The following LACTB2 variants were observed in gnomAD, a reference collection of about 807,000 sequenced individuals.
The protein encoded by LACTB2 is lactamase beta 2.
A neutral mutation model predicts 34.8 loss-of-function variants in LACTB2; 32 were observed. The observed-to-expected ratio is 0.92, with a 90% CI of 0.69 to 1.24. LACTB2 has a LOEUF of 1.24. Among genes scored for constraint, LACTB2 ranks in the 50% most tolerant of loss-of-function variants. The pLI, the probability that LACTB2 is intolerant of heterozygous loss-of-function variation, is 0.00. For synonymous variants in LACTB2, 120 were observed against 117.5 expected, an observed-to-expected ratio of 1.02 and a Z score of -0.14; for missense variants, 320 against 345.0, an observed-to-expected ratio of 0.93 and a Z score of 0.57.
intron 3 of LACTB2, among the ~76,000 whole-genome samples, chr8:70,650,463 A>G (rs1818324839): frequency 6.6e-6 from 1 of 152,148 alleles, no homozygotes; most frequent in Non-Finnish European, 1.5e-5. Flanking sequence ...GAAAAAGGCC[A>G]GGTGCGGTAG....
chr8:70,664,097 C>T lies in LACTB2; in HGVS notation c.123-2200G>A, dbSNP rs10108003. On this transcript the variant is annotated intron_variant, in intron 1 of 6. Coordinates refer to ENST00000276590, the MANE Select transcript of LACTB2 (RefSeq NM_016027.3). ...GCCTCCATGCATTTGCAGTTATTTACCACAAATTCTCACTGCCCCTAACGT... is the reference window on the plus strand; with the variant it reads ...GCCTCCATGCATTTGCAGTTATTTATCACAAATTCTCACTGCCCCTAACGT... Among the ~76,000 whole-genome samples, 923 of 152,238 alleles carry T rather than the reference C, an allele frequency of 6.1e-3. 10 individuals carry two copies. Among genetic ancestry groups the T allele is most frequent in the African/African-American group, 0.021 (880 of 41,546 alleles).
chr8:70,638,684 A>G (rs1818155123), intron 5 of LACTB2, 55 bp from the exon 6 acceptor site: 1 of 1,293,588 alleles, frequency 7.7e-7, no homozygotes, highest in Non-Finnish European at 1.0e-6. Flanking sequence ...AAAAGAACAC[A>G]GTTAATTTTT....
In LACTB2 at chr8:70,669,134, GC is replaced by G. The variant is rs946474252; in HGVS notation, c.-15del. 6.2e-7 allele frequency: 1 copy of G among 1,607,296 alleles called. No homozygotes were observed. Among genetic ancestry groups the G allele is most frequent in the Admixed American group, 1.7e-5 (1 of 59,228 alleles). Reference sequence around the variant, plus strand: ...TACAGCAGCCATTCCCGCCTCAGCCGCCCGCCGGCGTGTCGCCTATCTGGAT... The same window carrying G: ...TACAGCAGCCATTCCCGCCTCAGCCGCCGCCGGCGTGTCGCCTATCTGGAT... On this transcript the variant is annotated 5_prime_UTR_variant, in exon 1 of 7. Coordinates refer to ENST00000276590, the MANE Select transcript of LACTB2 (RefSeq NM_016027.3).
At chr8:70,668,888 C>CAGCTA (rs1818580651) in intron 1 of LACTB2, 111 bp downstream of exon 1, 2 of 1,444,074 alleles carry the variant, frequency 1.4e-6, no homozygotes, top group South Asian at 2.7e-5. Flanking sequence ...CGGGGCTGCC[C>CAGCTA]AGCTAGGGAC....
intron 4 of LACTB2, among the ~76,000 whole-genome samples, chr8:70,642,356 C>T (rs1459980221): frequency 1.3e-5 from 2 of 152,148 alleles, no homozygotes; most frequent in Admixed American, 1.3e-4. Context: ...AGTAGGAACT[C>T]ATCGCAGAGT....
chr8:70,653,169 G>A (rs1477219646), intron 3 of LACTB2, among the ~76,000 whole-genome samples: 2 of 152,090 alleles, frequency 1.3e-5, no homozygotes, highest in Non-Finnish European at 2.9e-5. Context: ...GAGTGTAGTG[G>A]CACTATCCCA....
At chr8:70,650,425 C>T (rs527510802) in intron 3 of LACTB2, among the ~76,000 whole-genome samples, 1 of 152,072 alleles carries the variant, frequency 6.6e-6, no homozygotes. Context: ...AATTTCACTA[C>T]TATGTACTTA....
intron 2 of LACTB2, chr8:70,661,517 A>G (rs1317085159): frequency 4.5e-6 from 2 of 446,102 alleles, no homozygotes; most frequent in South Asian, 5.7e-5. Context: ...CTCACACACT[A>G]AAGTAAAATT....
Position 70,642,235 on chromosome 8 carries a change from CA to C in LACTB2, c.593-1186del, listed in dbSNP as rs1818206674. ...TAAAAATAGCTGTCTTTAGCAAAAACAAAGCAAAACAAACAAACAAACCCCC... is the reference window on the plus strand; with the variant it reads ...TAAAAATAGCTGTCTTTAGCAAAAACAAGCAAAACAAACAAACAAACCCCC... On this transcript the variant is annotated intron_variant, in intron 4 of 6. Coordinates refer to ENST00000276590, the MANE Select transcript of LACTB2 (RefSeq NM_016027.3). Among the ~76,000 whole-genome samples the C allele has an allele frequency of 5.9e-5, 9 of 152,246 alleles. No homozygotes were observed. In the South Asian group the frequency reaches 1.9e-3, roughly 32 times the overall value.
chr8:70,668,882 G>C, intron 1 of LACTB2, 117 bp downstream of exon 1: 1 of 1,401,734 alleles, frequency 7.1e-7, no homozygotes. Context: ...TAGGCGCGGG[G>C]CTGCCCAGCT....
intron 1 of LACTB2, among the ~76,000 whole-genome samples, chr8:70,665,055 T>C (rs917282709): frequency 7.2e-5 from 11 of 152,206 alleles, no homozygotes; most frequent in African/African-American, 2.7e-4. Context: ...AGTTTTGAAA[T>C]TGAAAAAAAT....
intron 3 of LACTB2, among the ~76,000 whole-genome samples, chr8:70,650,735 C>CAAAAAAAA (rs61025700): frequency 2.7e-3 from 124 of 46,158 alleles, no homozygotes; most frequent in Middle Eastern, 0.038. Context: ...GACTCCATCT[C>CAAAAAAAA]AAAAAAAAAA....
intron 3 of LACTB2, among the ~76,000 whole-genome samples, chr8:70,655,475 G>A (rs1053929819): frequency 2.0e-5 from 3 of 152,074 alleles, no homozygotes; most frequent in Non-Finnish European, 4.4e-5. Flanking sequence ...ACCTGCCTTG[G>A]CCTCCCAAAG....
At chr8:70,646,780 C>T (rs1358543919) in intron 3 of LACTB2, 2 of 152,234 alleles carry the variant, frequency 1.3e-5, no homozygotes, top group African/African-American at 4.8e-5. Context: ...CCCGACTTCT[C>T]AGCAATATAC....
rs771282496 is a variant in LACTB2, at chr8:70,644,070, T to C, written c.587A>G (p.Tyr196Cys). ...AAAATTTAAAAATTACCCACCTGGA[T>C]ATATAATATCAGCTTTGATTTTCAA... ...ELLKIKADII[Y>C]PGHGPVIHNA... Residue 196 changes from tyrosine (Y) to cysteine (C), a missense_variant, in exon 4 of 7, where the codon TAT (tyrosine) becomes TGT (cysteine). Transcript: ENST00000276590. The C allele has an allele frequency of 2.6e-6, 4 of 1,559,810 alleles. No individual in the cohort carries two copies. Among genetic ancestry groups the C allele is most frequent in the Non-Finnish European group, 3.5e-6 (4 of 1,156,886 alleles).
At chr8:70,662,068 A>G (rs1054750897) in intron 1 of LACTB2, 171 bp from the exon 2 acceptor site, 2 of 508,082 alleles carry the variant, frequency 3.9e-6, no homozygotes, top group African/African-American at 3.9e-5. Flanking sequence ...CACCCTAAGA[A>G]AGTTTTCTGA....
At chr8:70,639,981 G>A (rs974967886) in intron 5 of LACTB2, among the ~76,000 whole-genome samples, 1 of 152,094 alleles carries the variant, frequency 6.6e-6, no homozygotes, top group Non-Finnish European at 1.5e-5. Context: ...AAGTTTTTGA[G>A]ATACAGTCTT....
At chr8:70,664,340 C>T (rs1818513842) in intron 1 of LACTB2, among the ~76,000 whole-genome samples, 1 of 152,148 alleles carries the variant, frequency 6.6e-6, no homozygotes, top group Non-Finnish European at 1.5e-5. Flanking sequence ...GACCAGATCA[C>T]ATCACACTGA....
At position 70,665,862 on chromosome 8, in the gene LACTB2, G is replaced by C. The variant is rs1818528500; in HGVS notation, c.122+3137C>G. Among the ~76,000 whole-genome samples the C allele has an allele frequency of 2.0e-5, 3 of 152,172 alleles. No individual in the cohort carries two copies. In the South Asian group the frequency reaches 6.2e-4, roughly 32 times the overall value. On this transcript the variant is annotated intron_variant, in intron 1 of 6. Transcript: ENST00000276590. ...AGTATGTACAATTTTGATAGGAAAG[G>C]TTAAAATTGCAGTTTTTAAAGGTTC...
Sources: gnomAD v4.1 joint callset for allele counts (sites outside exome capture counted in the v4.1 genomes callset) on GRCh38, gnomAD v4.1.1 for gene constraint, MANE v1.5 for transcripts, NCBI Gene and HGNC (gene_info 2026-07-23, HGNC 2026-07-21) for gene names.